Variants in FAM204A observed in about 807,000 individuals in gnomAD.
FAM204A encodes the protein family with sequence similarity 204 member A.
FAM204A carries 16 observed loss-of-function variants against 35.4 expected under a neutral mutation model. That is an observed-to-expected ratio of 0.45 (90% CI 0.31 to 0.69). The LOEUF (loss-of-function observed/expected upper bound fraction) is 0.69, where lower values mean the gene tolerates loss of function less well. FAM204A is among the 30% of genes least tolerant of loss of function. FAM204A has a pLI of 0.07. For synonymous variants in FAM204A, 76 were observed against 86.9 expected, an observed-to-expected ratio of 0.88 and a Z score of 0.70; for missense variants, 240 against 265.7, an observed-to-expected ratio of 0.90 and a Z score of 0.67.
intron 7 of FAM204A, chr10:118,322,455 A>G (rs535862372): frequency 2.2e-6 from 1 of 450,674 alleles, no homozygotes; most frequent in Admixed American, 2.4e-5. Flanking sequence ...AGGAAACAGC[A>G]GACAAATCAA....
At chr10:118,320,501 C>T (rs1332799902) in intron 7 of FAM204A, among the ~76,000 whole-genome samples, 4 of 151,772 alleles carry the variant, frequency 2.6e-5, no homozygotes, top group African/African-American at 4.8e-5. Flanking sequence ...CAAACCAAGT[C>T]TGAGTTTAAC....
rs1461768107 is a variant in FAM204A at position 118,304,340 on chromosome 10, T to G, written c.*6517A>C. ...TTACTAAATACTAAATGTCTAACTC[T>G]ATATTACTAAACTACTAATATAACA... On this transcript the variant is annotated 3_prime_UTR_variant, in exon 9 of 9. Coordinates refer to ENST00000369183, the MANE Select transcript of FAM204A (RefSeq NM_022063.3). 1 of 152,242 alleles carries G rather than the reference T, an allele frequency of 6.6e-6. No homozygotes were observed. Among genetic ancestry groups the G allele is most frequent in the Admixed American group, 6.5e-5 (1 of 15,282 alleles). The allele number at this position is 152,242 out of a possible 1,614,324, so 9.4% of individuals were successfully genotyped here.
In FAM204A at chr10:118,335,617, GT is replaced by G; in HGVS notation, c.258del (p.Lys86AsnfsTer25). On this transcript the variant is annotated frameshift_variant, in exon 4 of 9. Coordinates refer to ENST00000369183, the MANE Select transcript of FAM204A (RefSeq NM_022063.3). LOFTEE classifies it high-confidence loss of function. The part of the protein sequence containing the change: ...MWNKFQELHK[K>X]HSEQKSTTSR... ...GAGGTTGTGCTTTTCTGTTCAGAATGTTTTTTATGCAATTCTTGAAATTTCT... is the reference window on the plus strand; with the variant it reads ...GAGGTTGTGCTTTTCTGTTCAGAATGTTTTTATGCAATTCTTGAAATTTCT... 8 of 1,607,606 alleles carry G rather than the reference GT, an allele frequency of 5.0e-6. No homozygotes were observed. The highest frequency in any genetic ancestry group is 6.8e-6 in the Non-Finnish European group (8 of 1,178,408).
chr10:118,335,572 T>C lies in FAM204A; in HGVS notation c.304A>G (p.Arg102Gly). Residue 102 changes from arginine to glycine, a missense_variant, in exon 4 of 9, where the codon AGA becomes GGA. Coordinates refer to ENST00000369183, the MANE Select transcript of FAM204A (RefSeq NM_022063.3). ...AAAACACCTTTTCTGGAGCGTTTTC[T>C]TCTTTTCCCTCTGAATCTTGAGGTT... ...STTSRFRGKRRKRSRKDKLKN... is the reference protein window; with the variant it reads ...STTSRFRGKRGKRSRKDKLKN... The C allele has an allele frequency of 6.2e-7, 1 of 1,611,880 alleles. No individual in the cohort carries two copies. Among genetic ancestry groups the C allele is most frequent in the Non-Finnish European group, 8.5e-7 (1 of 1,179,460 alleles).
intron 6 of FAM204A, among the ~76,000 whole-genome samples, chr10:118,327,533 C>T (rs1008406024): frequency 3.3e-5 from 5 of 152,178 alleles, no homozygotes; most frequent in Non-Finnish European, 7.3e-5. Flanking sequence ...ATGCTCACCA[C>T]TCATTCTTGT....
chr10:118,340,747 T>C (rs1052535112), intron 2 of FAM204A, among the ~76,000 whole-genome samples: 1 of 152,150 alleles, frequency 6.6e-6, no homozygotes, highest in African/African-American at 2.4e-5. Flanking sequence ...ATACAAACAG[T>C]GTGGCAGGCC....
Position 118,301,709 on chromosome 10 carries a change from A to G in FAM204A, c.*9148T>C, listed in dbSNP as rs1293176605. 6.6e-6 allele frequency: 1 copy of G among 152,216 alleles called. No individual in the cohort carries two copies. The highest frequency in any genetic ancestry group is 1.5e-5 in the Non-Finnish European group (1 of 68,032). The allele number at this position is 152,216 out of a possible 1,614,324, so 9.4% of individuals were successfully genotyped here. On this transcript the variant is annotated 3_prime_UTR_variant, in exon 9 of 9. Coordinates refer to ENST00000369183, the MANE Select transcript of FAM204A (RefSeq NM_022063.3). ...TTGCTATATGTGAGAATCTATTCTC[A>G]GCACTTTCATATTCATTAGTTCCTT...
chr10:118,340,522 T>C (rs923373335), intron 2 of FAM204A, among the ~76,000 whole-genome samples: 6 of 152,228 alleles, frequency 3.9e-5, no homozygotes, highest in African/African-American at 1.4e-4. Flanking sequence ...CACTCCTGGA[T>C]GTATCACTCC....
In FAM204A at chr10:118,311,312, A is replaced by T. The variant is rs1381373390; in HGVS notation, c.545T>A (p.Leu182His). 1 of 1,581,856 alleles carries T rather than the reference A, an allele frequency of 6.3e-7. No individual in the cohort carries two copies. Residue 182 changes from leucine (L) to histidine (H), a missense_variant and splice_region_variant, in exon 8 of 9, where the codon CTT (leucine) becomes CAT (histidine). Physicochemically the swap from Leu to His is moderately conservative, Grantham distance 99. Coordinates refer to ENST00000369183, the MANE Select transcript of FAM204A (RefSeq NM_022063.3). ...AACTGCTTTGGCAATTTTTACACCAAGCTAAGAATTACAAAGGAGAAAAAA... is the reference window on the plus strand; with the variant it reads ...AACTGCTTTGGCAATTTTTACACCATGCTAAGAATTACAAAGGAGAAAAAA... ...ELSNQLATRE[L>H]GVKIAKAVAC...
intron 2 of FAM204A, among the ~76,000 whole-genome samples, chr10:118,340,481 T>C (rs955911778): frequency 3.9e-5 from 6 of 152,192 alleles, no homozygotes; most frequent in South Asian, 2.1e-4. Flanking sequence ...GATTTTGATA[T>C]TATAAGTGCC....
Position 118,330,034 on chromosome 10 carries a change from C to T in FAM204A, c.454-3791G>A, listed in dbSNP as rs188930229. Among the ~76,000 whole-genome samples, 14 of 152,220 alleles carry T rather than the reference C, an allele frequency of 9.2e-5. No homozygotes were observed. In the East Asian group the frequency reaches 2.7e-3, roughly 29 times the overall value. ...CTCAAGGGCATGGAGAGTATCTTCT[C>T]CATCTTGGGCTCCCAGAGCTTAAAA... On this transcript the variant is annotated intron_variant, in intron 6 of 8. Transcript: ENST00000369183.
chr10:118,305,744 C>T lies in FAM204A; in HGVS notation c.*5113G>A, dbSNP rs1296216709. On this transcript the variant is annotated 3_prime_UTR_variant, in exon 9 of 9. Transcript: ENST00000369183. ...AGATTTTGCTTATTCATCCTTGCAT[C>T]TGCAAGAGTTAGTTTATCTGACATA... The T allele has an allele frequency of 6.6e-6, 1 of 152,200 alleles. No homozygotes were observed. Among genetic ancestry groups the T allele is most frequent in the East Asian group, 1.9e-4 (1 of 5,194 alleles). 9.4% of individuals were successfully genotyped at this position (152,200 alleles called of 1,614,324 possible).
chr10:118,316,160 ACTT>A (rs1846027302), intron 7 of FAM204A, among the ~76,000 whole-genome samples: 1 of 152,200 alleles, frequency 6.6e-6, no homozygotes, highest in African/African-American at 2.4e-5. Context: ...AAGAAAAAGT[ACTT>A]CCAATGACTG....
chr10:118,327,493 T>C (rs1564760674), intron 6 of FAM204A, among the ~76,000 whole-genome samples: 1 of 152,206 alleles, frequency 6.6e-6, no homozygotes, highest in African/African-American at 2.4e-5. Flanking sequence ...CAGCGCTTCA[T>C]AGTCTTTGAC....
chr10:118,329,763 T>C (rs886402528), intron 6 of FAM204A, among the ~76,000 whole-genome samples: 1 of 152,160 alleles, frequency 6.6e-6, no homozygotes, highest in African/African-American at 2.4e-5. Context: ...TCCTTCTACA[T>C]AGAAGACATT....
intron 2 of FAM204A, among the ~76,000 whole-genome samples, chr10:118,341,318 A>G (rs1846478061): frequency 6.6e-6 from 1 of 152,214 alleles, no homozygotes; most frequent in Non-Finnish European, 1.5e-5. Context: ...GTCTGATCTA[A>G]AATTAATTTC....
In FAM204A at chr10:118,300,897, A is replaced by G. The variant is rs1845801835; in HGVS notation, c.*9960T>C. 2 of 152,242 alleles carry G rather than the reference A, an allele frequency of 1.3e-5. No homozygotes were observed. Among genetic ancestry groups the G allele is most frequent in the Admixed American group, 6.5e-5 (1 of 15,288 alleles). 9.4% of individuals were successfully genotyped at this position (152,242 alleles called of 1,614,324 possible). ...GTAATGGTAACTGAGTGCTTACTGC[A>G]TGCCAGACCCGTGCTAAGCTCTCTC... On this transcript the variant is annotated 3_prime_UTR_variant, in exon 9 of 9. Coordinates refer to ENST00000369183, the MANE Select transcript of FAM204A (RefSeq NM_022063.3).
At chr10:118,337,325 C>A in intron 2 of FAM204A, 1 of 683,734 alleles carries the variant, frequency 1.5e-6, no homozygotes, top group African/African-American at 1.9e-5. Flanking sequence ...GGTTGTACTG[C>A]TCATGATTTA....
At chr10:118,326,366 AC>A in intron 6 of FAM204A, 123 bp from the exon 7 acceptor site, 1 of 793,442 alleles carries the variant, frequency 1.3e-6, no homozygotes, top group Non-Finnish European at 2.0e-6. Flanking sequence ...TCACAATAAC[AC>A]CAGAAGGTAG....
Sources: allele counts gnomAD v4.1 joint callset (sites outside exome capture counted in the v4.1 genomes callset), GRCh38; gene constraint gnomAD v4.1.1; transcripts MANE v1.5; gene names NCBI Gene and HGNC (gene_info 2026-07-23, HGNC 2026-07-21).